The following KCTD8 variants were observed in gnomAD, a reference collection of about 807,000 sequenced individuals.
KCTD8 encodes the protein BTB/POZ domain-containing protein KCTD8.
Under a neutral mutation model 31.5 loss-of-function variants are expected in KCTD8, and 27 were observed. The ratio of observed to expected loss-of-function variants is 0.86; its 90% confidence interval spans 0.63 to 1.18. The LOEUF is 1.18. Among genes scored for constraint, KCTD8 ranks in the 50% most tolerant of loss-of-function variants. The pLI is 0.00. For missense variants in KCTD8, 658 were observed against 647.7 expected (o/e 1.02, Z -0.17); for synonymous variants, 290 against 280.0 (o/e 1.04, Z -0.36).
intron 1 of KCTD8, among the ~76,000 whole-genome samples, chr4:44,443,154 C>G (rs1298107798): frequency 6.6e-6 from 1 of 152,156 alleles, no homozygotes; most frequent in Non-Finnish European, 1.5e-5. Flanking sequence ...GCTTATTCCT[C>G]ACTAATTCAA....
intron 1 of KCTD8, among the ~76,000 whole-genome samples, chr4:44,325,435 ACTTG>A (rs1312353646): frequency 6.6e-6 from 1 of 151,894 alleles, no homozygotes; most frequent in Non-Finnish European, 1.5e-5. Flanking sequence ...TTATTTAACA[ACTTG>A]CTTATTTGAT....
At chr4:44,435,199 C>A (rs1721613042) in intron 1 of KCTD8, among the ~76,000 whole-genome samples, 1 of 151,920 alleles carries the variant, frequency 6.6e-6, no homozygotes, top group Non-Finnish European at 1.5e-5. Context: ...ATGCTAAAAA[C>A]ACCTAGCAAG....
In KCTD8 at chr4:44,173,982, T is replaced by G. The variant is rs1387542356; in HGVS notation, c.*808A>C. 6.6e-6 allele frequency: 1 copy of G among 152,130 alleles called. No homozygotes were observed. The highest frequency in any genetic ancestry group is 1.5e-5 in the Non-Finnish European group (1 of 68,000). The allele number at this position is 152,130 out of a possible 1,614,324, so 9.4% of individuals were successfully genotyped here. On this transcript the variant is annotated 3_prime_UTR_variant, in exon 2 of 2. Transcript: ENST00000360029. The stretch of plus-strand genomic sequence containing the variant: ...TCTATTATTTTGATTAACATGATAA[T>G]AGGATCTTTCAAAGCATCATTATAC...
intron 1 of KCTD8, among the ~76,000 whole-genome samples, chr4:44,177,736 C>A (rs1344234863): frequency 1.3e-5 from 2 of 152,180 alleles, no homozygotes; most frequent in Non-Finnish European, 2.9e-5. Context: ...GTCAATTAAA[C>A]CTCTTTTTCT....
chr4:44,361,401 T>C (rs1330524658), intron 1 of KCTD8, among the ~76,000 whole-genome samples: 1 of 152,014 alleles, frequency 6.6e-6, no homozygotes, highest in Non-Finnish European at 1.5e-5. Flanking sequence ...AATAATACAA[T>C]GGAGCCTTCG....
intron 1 of KCTD8, among the ~76,000 whole-genome samples, chr4:44,386,024 G>A (rs1168015353): frequency 6.6e-6 from 1 of 151,378 alleles, no homozygotes; most frequent in African/African-American, 2.4e-5. Context: ...ACCCATTTAA[G>A]TAGTTACTAC....
intron 1 of KCTD8, among the ~76,000 whole-genome samples, chr4:44,232,237 C>A (rs369836464): frequency 1.3e-5 from 2 of 152,216 alleles, no homozygotes; most frequent in African/African-American, 4.8e-5. Flanking sequence ...TCTCTCTCTG[C>A]CTCAAATGGT....
In KCTD8 at chr4:44,221,923, T is replaced by C. The variant is rs192942686; in HGVS notation, c.962-46673A>G. Among the ~76,000 whole-genome samples, 449 of 152,246 alleles carry C rather than the reference T, an allele frequency of 2.9e-3. 2 individuals carry two copies. The highest frequency in any genetic ancestry group is 0.01 in the African/African-American group (426 of 41,544). ...CTTTGCATCATTCAATCCAATCAAG[T>C]TGACACTCAGTATTAACCATCACAC... On this transcript the variant is annotated intron_variant, in intron 1 of 1. Coordinates refer to ENST00000360029, the MANE Select transcript of KCTD8 (RefSeq NM_198353.3).
intron 1 of KCTD8, among the ~76,000 whole-genome samples, chr4:44,444,699 A>T (rs1220507518): frequency 6.6e-6 from 1 of 151,894 alleles, no homozygotes; most frequent in Admixed American, 6.6e-5. Context: ...TTTAACCAAG[A>T]TCACACAGTT....
chr4:44,355,766 T>A (rs1046978960), intron 1 of KCTD8, among the ~76,000 whole-genome samples: 3 of 152,118 alleles, frequency 2.0e-5, no homozygotes, highest in Non-Finnish European at 4.4e-5. Flanking sequence ...CATGATCAAG[T>A]AAGAAATCAA....
At chr4:44,186,594 C>A (rs906683035) in intron 1 of KCTD8, among the ~76,000 whole-genome samples, 1 of 152,194 alleles carries the variant, frequency 6.6e-6, no homozygotes, top group Non-Finnish European at 1.5e-5. Context: ...ACATTCACCC[C>A]TAGACGCTGC....
At chr4:44,382,585 C>A (rs112909260) in intron 1 of KCTD8, among the ~76,000 whole-genome samples, 1 of 151,594 alleles carries the variant, frequency 6.6e-6, no homozygotes, top group African/African-American at 2.4e-5. Context: ...AAAAAATTAC[C>A]CGGGCGTGGT....
At chr4:44,278,426 G>A (rs1716811506) in intron 1 of KCTD8, among the ~76,000 whole-genome samples, 1 of 151,908 alleles carries the variant, frequency 6.6e-6, no homozygotes, top group Non-Finnish European at 1.5e-5. Flanking sequence ...GGATAGCAAT[G>A]CCTATTAAAA....
intron 1 of KCTD8, among the ~76,000 whole-genome samples, chr4:44,290,014 G>C (rs760390189): frequency 1.3e-5 from 2 of 152,086 alleles, no homozygotes; most frequent in African/African-American, 2.4e-5. Context: ...AAAAGGCATA[G>C]AGTGGGAAGT....
At chr4:44,266,818 G>A (rs905573225) in intron 1 of KCTD8, among the ~76,000 whole-genome samples, 3 of 152,092 alleles carry the variant, frequency 2.0e-5, no homozygotes, top group Non-Finnish European at 4.4e-5. Flanking sequence ...TAATGGTAAA[G>A]GGATCAATTC....
chr4:44,211,221 C>T (rs1172286857), intron 1 of KCTD8, among the ~76,000 whole-genome samples: 3 of 152,172 alleles, frequency 2.0e-5, no homozygotes, highest in Non-Finnish European at 2.9e-5. Flanking sequence ...ATCACACCAA[C>T]AAGTGTAAGA....
intron 1 of KCTD8, among the ~76,000 whole-genome samples, chr4:44,443,998 GAAT>G (rs1386228978): frequency 6.6e-6 from 1 of 152,012 alleles, no homozygotes; most frequent in Admixed American, 6.6e-5. Flanking sequence ...AGTATTAGAA[GAAT>G]AATATAGAAT....
At chr4:44,212,561 C>T (rs1041788360) in intron 1 of KCTD8, among the ~76,000 whole-genome samples, 2 of 151,968 alleles carry the variant, frequency 1.3e-5, no homozygotes, top group African/African-American at 2.4e-5. Context: ...TGGAAAAATC[C>T]GCTATGTGGA....
intron 1 of KCTD8, among the ~76,000 whole-genome samples, chr4:44,298,395 A>C (rs902263225): frequency 6.6e-6 from 1 of 151,686 alleles, no homozygotes; most frequent in South Asian, 2.1e-4. Context: ...ACTCCTTCAC[A>C]CTAATGATCT....
Sources: allele counts gnomAD v4.1 joint callset (sites outside exome capture counted in the v4.1 genomes callset), GRCh38; gene constraint gnomAD v4.1.1; transcripts MANE v1.5; gene names NCBI Gene and HGNC (gene_info 2026-07-23, HGNC 2026-07-21).